CD247: variants seen among roughly 807,000 people sequenced by gnomAD.
The protein encoded by CD247 is CD247 molecule, also known as T-cell surface glycoprotein CD3 zeta chain.
Under a neutral mutation model 30.0 loss-of-function variants are expected in CD247, and 13 were observed. The observed-to-expected ratio is 0.43, with a 90% CI of 0.28 to 0.69. The LOEUF is 0.69. Among genes scored for constraint, CD247 ranks in the 30% least tolerant of loss-of-function variants. CD247 has a pLI of 0.16. For synonymous variants in CD247, 72 were observed against 80.0 expected, an observed-to-expected ratio of 0.90 and a Z score of 0.53; for missense variants, 193 against 212.6, an observed-to-expected ratio of 0.91 and a Z score of 0.57.
intron 1 of CD247, among the ~76,000 whole-genome samples, chr1:167,493,930 C>T (rs1654563420): frequency 6.6e-6 from 1 of 152,166 alleles, no homozygotes; most frequent in Admixed American, 6.5e-5. Context: ...GCAAAAACCC[C>T]ACTGGAGACC....
At chr1:167,496,856 T>C (rs1189505741) in intron 1 of CD247, among the ~76,000 whole-genome samples, 2 of 151,816 alleles carry the variant, frequency 1.3e-5, no homozygotes, top group Non-Finnish European at 2.9e-5. Flanking sequence ...ACCCAGGAGA[T>C]CTCCATCAGA....
At chr1:167,448,427 T>G in intron 1 of CD247, 1 of 985,406 alleles carries the variant, frequency 1.0e-6, no homozygotes, top group Non-Finnish European at 1.2e-6. Flanking sequence ...CGAACCATTA[T>G]AGCAGGTCAT....
intron 1 of CD247, among the ~76,000 whole-genome samples, chr1:167,449,152 T>TC (rs1558000459): frequency 1.9e-5 from 1 of 52,186 alleles, no homozygotes; most frequent in African/African-American, 1.1e-4. Context: ...TTCTTTTCTT[T>TC]TTTTTTTTTT....
intron 1 of CD247, among the ~76,000 whole-genome samples, chr1:167,445,977 G>A (rs193004643): frequency 9.1e-4 from 139 of 152,280 alleles, no homozygotes; most frequent in African/African-American, 3.3e-3. Context: ...AGACAAACAG[G>A]GGGCTACTTT....
At chr1:167,435,809 C>T (rs1226033159) in intron 4 of CD247, among the ~76,000 whole-genome samples, 1 of 152,244 alleles carries the variant, frequency 6.6e-6, no homozygotes, top group Non-Finnish European at 1.5e-5. Context: ...TAGTGAGTGC[C>T]TACTGAAAGG....
chr1:167,449,689 G>A lies in CD247; in HGVS notation c.59-8922C>T, dbSNP rs193086714. Among the ~76,000 whole-genome samples the A allele has an allele frequency of 2.6e-3, 398 of 152,132 alleles. 3 individuals carry two copies. Among genetic ancestry groups the A allele is most frequent in the African/African-American group, 9.2e-3 (383 of 41,518 alleles). ...TGTAATCCCAGTACGTTGGGAGGCC[G>A]AGGTGGGCAGATCGCCTGAGGTCAG... On this transcript the variant is annotated intron_variant, in intron 1 of 7. Transcript: ENST00000362089.
At chr1:167,470,911 A>G (rs1473256849) in intron 1 of CD247, among the ~76,000 whole-genome samples, 22 of 140,444 alleles carry the variant, frequency 1.6e-4, no homozygotes, top group African/African-American at 2.7e-5. Context: ...TCACTCTGTC[A>G]CCCAGGCTGG....
chr1:167,431,949 G>A (rs1429276617), intron 7 of CD247, among the ~76,000 whole-genome samples: 1 of 152,190 alleles, frequency 6.6e-6, no homozygotes, highest in Non-Finnish European at 1.5e-5. Context: ...GCTGTGCCCT[G>A]CCGGGAATGG....
intron 1 of CD247, among the ~76,000 whole-genome samples, chr1:167,441,839 G>A (rs1231980356): frequency 1.3e-5 from 2 of 152,230 alleles, no homozygotes; most frequent in Admixed American, 6.5e-5. Context: ...GGCTGGGGGC[G>A]GTGGCTCACG....
Position 167,438,517 on chromosome 1 carries a change from G to C in CD247, c.300+53C>G. 9 of 1,419,910 alleles carry C rather than the reference G, an allele frequency of 6.3e-6. No homozygotes were observed. The South Asian group carries it at 1.0e-4, about 16-fold the overall frequency. The allele number at this position is 1,419,910 out of a possible 1,614,324, so 88.0% of individuals were successfully genotyped here. ...TGAGGAGCCCTCCCCCACAGCCTGG[G>C]CTGAGCCCCACCACACATGCAGGAA... On this transcript the variant is annotated intron_variant, in intron 4 of 7. Transcript: ENST00000362089.
intron 2 of CD247, chr1:167,440,383 G>T: frequency 2.0e-6 from 1 of 493,936 alleles, no homozygotes; most frequent in South Asian, 2.1e-5. Flanking sequence ...GTCACCAGTA[G>T]CATCGCCTTC....
intron 1 of CD247, among the ~76,000 whole-genome samples, chr1:167,504,180 A>G (rs1223196669): frequency 1.3e-5 from 2 of 152,104 alleles, no homozygotes; most frequent in Non-Finnish European, 2.9e-5. Flanking sequence ...TGAATTCCCC[A>G]CCTATCAAGT....
At chr1:167,491,443 C>G (rs1654446907) in intron 1 of CD247, among the ~76,000 whole-genome samples, 2 of 152,090 alleles carry the variant, frequency 1.3e-5, no homozygotes, top group South Asian at 4.1e-4. Context: ...TGGCCCATGC[C>G]TGTAATCCCA....
Position 167,493,406 on chromosome 1 carries a change from A to G in CD247, c.58+25002T>C, listed in dbSNP as rs187832246. Among the ~76,000 whole-genome samples, 154 of 152,234 alleles carry G rather than the reference A, an allele frequency of 1.0e-3. 1 individual carries two copies. Among genetic ancestry groups the G allele is most frequent in the South Asian group, 7.5e-3 (36 of 4,818 alleles). On this transcript the variant is annotated intron_variant, in intron 1 of 7. Coordinates refer to ENST00000362089, the MANE Select transcript of CD247 (RefSeq NM_198053.3). ...CCATCTGTTCCTTTCTGCTTCTCAGAATAAGCATCTCTATCCTTAGCTTCA... is the reference window on the plus strand; with the variant it reads ...CCATCTGTTCCTTTCTGCTTCTCAGGATAAGCATCTCTATCCTTAGCTTCA...
At chr1:167,495,531 T>C (rs1654656242) in intron 1 of CD247, among the ~76,000 whole-genome samples, 1 of 152,170 alleles carries the variant, frequency 6.6e-6, no homozygotes, top group South Asian at 2.1e-4. Context: ...TTATTCCCCC[T>C]CAGCATGTTC....
At chr1:167,514,149 T>A (rs550604028) in intron 1 of CD247, among the ~76,000 whole-genome samples, 1,764 of 152,276 alleles carry the variant, frequency 0.012, 28 homozygotes, top group Non-Finnish European at 0.018. Context: ...TTTTATTTAT[T>A]TTTTTGAGAT....
chr1:167,438,853 T>A (rs1474235431), intron 3 of CD247, among the ~76,000 whole-genome samples: 1 of 152,146 alleles, frequency 6.6e-6, no homozygotes, highest in Non-Finnish European at 1.5e-5. Flanking sequence ...TGACAGTGGA[T>A]GGGATCCCCA....
chr1:167,509,670 T>C (rs1257263376), intron 1 of CD247, among the ~76,000 whole-genome samples: 1 of 152,204 alleles, frequency 6.6e-6, no homozygotes, highest in Non-Finnish European at 1.5e-5. Context: ...TCTAGGGAAC[T>C]ATTTCTGTTG....
At chr1:167,490,830 G>C (rs1430500967) in intron 1 of CD247, among the ~76,000 whole-genome samples, 2 of 151,924 alleles carry the variant, frequency 1.3e-5, no homozygotes, top group African/African-American at 4.8e-5. Flanking sequence ...CAGGAGAATC[G>C]TTTGAACATG....
Sources: gnomAD v4.1 joint callset for allele counts (sites outside exome capture counted in the v4.1 genomes callset) on GRCh38, gnomAD v4.1.1 for gene constraint, MANE v1.5 for transcripts, NCBI Gene and HGNC (gene_info 2026-07-23, HGNC 2026-07-21) for gene names.